The following MRPS35 variants were observed in gnomAD, a reference collection of about 807,000 sequenced individuals.
The protein encoded by MRPS35 is mitochondrial ribosomal protein S35, also known as small ribosomal subunit protein mS35.
A neutral mutation model predicts 32.7 loss-of-function variants in MRPS35; 29 were observed. The observed-to-expected ratio is 0.89, with a 90% CI of 0.66 to 1.21. The LOEUF is 1.21. Ranked by LOEUF, MRPS35 falls within the 50% of genes most tolerant of loss-of-function variation. The probability of loss-of-function intolerance (pLI) is 0.00; values close to 1 mark genes in which losing one functional copy is unlikely to be tolerated. For synonymous variants in MRPS35, 148 were observed against 139.3 expected (o/e 1.06, Z -0.44); for missense variants, 373 against 383.8 (o/e 0.97, Z 0.23).
At chr12:27,719,423 T>C (rs554670035) in intron 3 of MRPS35, among the ~76,000 whole-genome samples, 2 of 152,204 alleles carry the variant, frequency 1.3e-5, no homozygotes, top group African/African-American at 2.4e-5. Flanking sequence ...TCCCAGCACT[T>C]TGGGAGGCCG....
intron 1 of MRPS35, 65 bp downstream of exon 1, chr12:27,711,020 G>T: frequency 6.8e-7 from 1 of 1,467,816 alleles, no homozygotes; most frequent in Non-Finnish European, 9.3e-7. Context: ...CCGGCCTCAT[G>T]AAGGGTGCCG....
intron 4 of MRPS35, among the ~76,000 whole-genome samples, chr12:27,720,805 CACT>C (rs1441221671): frequency 1.3e-5 from 2 of 152,094 alleles, no homozygotes; most frequent in Non-Finnish European, 2.9e-5. Context: ...CATGTACTTA[CACT>C]ACTACTTCTC....
At chr12:27,740,727 A>G (rs931323279) in intron 7 of MRPS35, among the ~76,000 whole-genome samples, 3 of 152,208 alleles carry the variant, frequency 2.0e-5, no homozygotes, top group African/African-American at 7.2e-5. Context: ...ACTATTCAAA[A>G]CAGTTTAACT....
intron 7 of MRPS35, among the ~76,000 whole-genome samples, chr12:27,739,157 C>T (rs766826319): frequency 3.9e-5 from 6 of 152,190 alleles, no homozygotes; most frequent in African/African-American, 1.4e-4. Context: ...CTCGGCCTCC[C>T]GAAGTGCTGG....
intron 5 of MRPS35, among the ~76,000 whole-genome samples, chr12:27,729,434 CTTTT>C (rs1485574972): frequency 4.6e-5 from 7 of 151,838 alleles, no homozygotes; most frequent in African/African-American, 1.7e-4. Context: ...CTTGTTTTTT[CTTTT>C]TGTCTTTTGC....
intron 5 of MRPS35, among the ~76,000 whole-genome samples, chr12:27,729,770 C>T (rs182532693): frequency 5.3e-5 from 8 of 152,168 alleles, no homozygotes; most frequent in East Asian, 1.9e-4. Context: ...GTCATTTGTC[C>T]GGATGCCATA....
chr12:27,740,044 G>A (rs2061957893), intron 7 of MRPS35, among the ~76,000 whole-genome samples: 1 of 152,196 alleles, frequency 6.6e-6, no homozygotes, highest in African/African-American at 2.4e-5. Context: ...CATCAGTGAA[G>A]AAGATTTTGA....
At chr12:27,753,932 T>G (rs1204093079) in intron 7 of MRPS35, among the ~76,000 whole-genome samples, 1 of 152,212 alleles carries the variant, frequency 6.6e-6, no homozygotes, top group Admixed American at 6.5e-5. Context: ...GTTCACATTA[T>G]GGGAACAGAA....
At chr12:27,745,836 A>C (rs1044014697) in intron 7 of MRPS35, among the ~76,000 whole-genome samples, 3 of 151,852 alleles carry the variant, frequency 2.0e-5, no homozygotes, top group Non-Finnish European at 4.4e-5. Flanking sequence ...TGTCCTTGCA[A>C]TAGTTTGCTG....
At chr12:27,751,966 C>T (rs963669953) in intron 7 of MRPS35, among the ~76,000 whole-genome samples, 9 of 151,980 alleles carry the variant, frequency 5.9e-5, no homozygotes, top group African/African-American at 1.7e-4. Flanking sequence ...TGGCCAGGTG[C>T]GGTGGCTTAC....
At chr12:27,739,226 A>G (rs947513130) in intron 7 of MRPS35, among the ~76,000 whole-genome samples, 2 of 152,252 alleles carry the variant, frequency 1.3e-5, no homozygotes, top group Non-Finnish European at 2.9e-5. Context: ...TGAGAGAGCC[A>G]TCATAAGATG....
chr12:27,713,501 TC>T (rs1179891482), intron 1 of MRPS35, among the ~76,000 whole-genome samples: 1 of 152,168 alleles, frequency 6.6e-6, no homozygotes, highest in African/African-American at 2.4e-5. Context: ...GTGTACAAGT[TC>T]CTGGAGTCCA....
chr12:27,728,460 C>T (rs754923039), intron 5 of MRPS35, among the ~76,000 whole-genome samples: 3 of 152,074 alleles, frequency 2.0e-5, no homozygotes, highest in Non-Finnish European at 4.4e-5. Context: ...CACTAAAATA[C>T]TTCAGTGTGT....
At chr12:27,722,688 A>AT (rs2061881641) in intron 4 of MRPS35, among the ~76,000 whole-genome samples, 1 of 151,306 alleles carries the variant, frequency 6.6e-6, no homozygotes, top group South Asian at 2.2e-4. Context: ...CTCTGTTCAT[A>AT]TTTTTTCAAT....
intron 5 of MRPS35, among the ~76,000 whole-genome samples, chr12:27,732,462 T>C (rs2061925282): frequency 6.6e-6 from 1 of 152,210 alleles, no homozygotes; most frequent in African/African-American, 2.4e-5. Context: ...TCTGCCCTGC[T>C]AGACTCTGCA....
intron 5 of MRPS35, among the ~76,000 whole-genome samples, chr12:27,724,620 G>A (rs2061892211): frequency 6.6e-6 from 1 of 152,038 alleles, no homozygotes. Flanking sequence ...GTGGGCACCT[G>A]TAATCCCATC....
intron 5 of MRPS35, among the ~76,000 whole-genome samples, chr12:27,733,430 A>C (rs1455765511): frequency 6.6e-6 from 1 of 152,168 alleles, no homozygotes; most frequent in African/African-American, 2.4e-5. Context: ...ACCACTTCTT[A>C]TATAAAAAGC....
In MRPS35 at chr12:27,724,099, G is replaced by A. The variant is rs751827158; in HGVS notation, c.435G>A (p.Lys145=). The A allele has an allele frequency of 2.7e-5, 43 of 1,613,128 alleles. No individual in the cohort carries two copies. In the East Asian group the frequency reaches 6.5e-4, roughly 24 times the overall value. Residue 145 remains lysine, a synonymous_variant, in exon 5 of 8, where the codon AAG becomes AAA. Transcript: ENST00000081029. ...AALDSDEKCE[K]HFPIEIDSTD... Reference sequence around the variant, plus strand: ...TGGACAGTGACGAGAAATGTGAGAAGCATTTTCCAATTGAAATTGACAGCA... The same window carrying A: ...TGGACAGTGACGAGAAATGTGAGAAACATTTTCCAATTGAAATTGACAGCA...
At chr12:27,744,540 A>G (rs1005579805) in intron 7 of MRPS35, among the ~76,000 whole-genome samples, 1 of 152,222 alleles carries the variant, frequency 6.6e-6, no homozygotes, top group African/African-American at 2.4e-5. Context: ...TCATGATGCA[A>G]ATTTACAGTT....
Sources: gnomAD v4.1 joint callset for allele counts (sites outside exome capture counted in the v4.1 genomes callset) on GRCh38, gnomAD v4.1.1 for gene constraint, MANE v1.5 for transcripts, NCBI Gene and HGNC (gene_info 2026-07-23, HGNC 2026-07-21) for gene names.